The following MTMR9 variants were observed in gnomAD, a reference collection of about 807,000 sequenced individuals.
MTMR9 encodes the protein myotubularin related protein 9.
MTMR9 carries 39 observed loss-of-function variants against 69.5 expected under a neutral mutation model. The observed-to-expected ratio is 0.56, with a 90% CI of 0.43 to 0.73. The LOEUF is 0.73. Among genes scored for constraint, MTMR9 ranks in the 30% least tolerant of loss-of-function variants. The pLI is 0.00. For synonymous variants in MTMR9, 354 were observed against 240.8 expected (o/e 1.47, Z -4.35); for missense variants, 900 against 671.2 (o/e 1.34, Z -3.77).
At chr8:11,330,168 C>T (rs1002317865), downstream of MTMR9, among the ~76,000 whole-genome samples, 2 of 151,072 alleles carry the variant, frequency 1.3e-5, no homozygotes, top group African/African-American at 4.9e-5. Context: ...TCAGCCCCCG[C>T]CCGGCCAGCC....
Position 11,306,410 on chromosome 8 carries a change from A to G in MTMR9, c.809+3A>G, listed in dbSNP as rs2117409773. The G allele has an allele frequency of 6.2e-7, 1 of 1,612,998 alleles. No individual in the cohort carries two copies. Among genetic ancestry groups the G allele is most frequent in the Non-Finnish European group, 8.5e-7 (1 of 1,179,076 alleles). On this transcript the variant is annotated splice_donor_region_variant and intron_variant, in intron 5 of 9. Coordinates refer to ENST00000221086, the MANE Select transcript of MTMR9 (RefSeq NM_015458.4). ...CGAATTCATAAGTCCATTGAGAGGT[A>G]AAAGATTCCAAAGATAGTACAGACT... is the stretch of plus-strand genomic sequence containing the variant.
intron 2 of MTMR9, chr8:11,298,914 C>G (rs1799655151): frequency 5.1e-6 from 5 of 976,774 alleles, no homozygotes; most frequent in Admixed American, 1.2e-4. Context: ...GTTATTGCCC[C>G]CATTTGAGAA....
intron 1 of MTMR9, among the ~76,000 whole-genome samples, chr8:11,287,825 A>ACAT (rs1799224435): frequency 8.0e-6 from 1 of 124,570 alleles, no homozygotes; most frequent in East Asian, 2.1e-4. Context: ...ATAATATATA[A>ACAT]TATATAACAT....
chr8:11,332,481 T>C (rs1801274682), downstream of MTMR9, among the ~76,000 whole-genome samples: 1 of 152,028 alleles, frequency 6.6e-6, no homozygotes, highest in Non-Finnish European at 1.5e-5. Flanking sequence ...AAAATGAGAA[T>C]ATCAATAAAA....
chr8:11,293,569 T>C (rs1251062702), intron 1 of MTMR9, among the ~76,000 whole-genome samples: 2 of 152,184 alleles, frequency 1.3e-5, no homozygotes, highest in African/African-American at 2.4e-5. Context: ...ACATGTCCAA[T>C]TTGTCAGTTT....
chr8:11,318,180 A>G (rs1685445589), intron 8 of MTMR9: 1 of 152,242 alleles, frequency 6.6e-6, no homozygotes, highest in African/African-American at 2.4e-5. Flanking sequence ...GGATCAAAAT[A>G]GATTCCCATT....
chr8:11,332,195 A>T, downstream of MTMR9: 1 of 1,523,640 alleles, frequency 6.6e-7, no homozygotes, highest in Non-Finnish European at 8.8e-7. Context: ...ACAAAAAAAA[A>T]ATAAAAGAAA....
Position 11,327,661 on chromosome 8 carries a change from T to C in MTMR9, c.*4873T>C, listed in dbSNP as rs974958456. 1 of 152,674 alleles carries C rather than the reference T, an allele frequency of 6.5e-6. No homozygotes were observed. The highest frequency in any genetic ancestry group is 2.4e-5 in the African/African-American group (1 of 41,464). 9.5% of individuals were successfully genotyped at this position (152,674 alleles called of 1,614,324 possible). A position where few individuals can be genotyped will look rare whatever the true frequency, so the allele number is the denominator to read the frequency against. ...CCGGGTATTTGGATTGTTCTCTTGA[T>C]AATATTTGAATGTGACTCTTGGATT... On this transcript the variant is annotated 3_prime_UTR_variant, in exon 10 of 10. Coordinates refer to ENST00000221086, the MANE Select transcript of MTMR9 (RefSeq NM_015458.4).
rs758337730 is a variant in MTMR9, at chr8:11,316,911, A to G, written c.1334+18A>G. ...AGTGAAAGGTGAGTACACTGCTCAC[A>G]TGGGGACCTTTCCTTTTCCGTTGTT... On this transcript the variant is annotated intron_variant, in intron 8 of 9. Coordinates refer to ENST00000221086, the MANE Select transcript of MTMR9 (RefSeq NM_015458.4). 6.7e-6 allele frequency: 10 copies of G among 1,499,610 alleles called. No homozygotes were observed. The highest frequency in any genetic ancestry group is 1.4e-5 in the African/African-American group (1 of 71,450). 92.9% of individuals were successfully genotyped at this position (1,499,610 alleles called of 1,614,324 possible).
chr8:11,292,691 T>C (rs544445328), intron 1 of MTMR9, among the ~76,000 whole-genome samples: 14 of 152,332 alleles, frequency 9.2e-5, no homozygotes, highest in African/African-American at 3.4e-4. Flanking sequence ...ATGGATTATT[T>C]GCTTTCTTAC....
intron 2 of MTMR9, among the ~76,000 whole-genome samples, chr8:11,298,210 A>G (rs181010623): frequency 2.9e-3 from 443 of 152,240 alleles, no homozygotes; most frequent in African/African-American, 0.01. Flanking sequence ...GTGACATAAG[A>G]TCTCAAGATG....
rs1184090204 is a variant in MTMR9 at position 11,325,332 on chromosome 8, A to T, written c.*2544A>T. ...CGTGCTTACCTGGATGAGAAGAATA[A>T]ATGACACGGATACACTCCTGAGAAG... On this transcript the variant is annotated 3_prime_UTR_variant, in exon 10 of 10. Transcript: ENST00000221086. 2.0e-5 allele frequency: 3 copies of T among 152,202 alleles called. No individual in the cohort carries two copies. Among genetic ancestry groups the T allele is most frequent in the African/African-American group, 7.2e-5 (3 of 41,454 alleles). The allele number at this position is 152,202 out of a possible 1,614,324, so 9.4% of individuals were successfully genotyped here.
rs1419070764 is a variant in MTMR9 at position 11,325,688 on chromosome 8, T to G, written c.*2900T>G. On this transcript the variant is annotated 3_prime_UTR_variant, in exon 10 of 10. Coordinates refer to ENST00000221086, the MANE Select transcript of MTMR9 (RefSeq NM_015458.4). ...TTTTTTTTAATCAGAAGAACATTGT[T>G]GTTTGATTATATGTTTTTAAAAACC... The G allele has an allele frequency of 6.6e-6, 1 of 152,032 alleles. No individual in the cohort carries two copies. The highest frequency in any genetic ancestry group is 1.5e-5 in the Non-Finnish European group (1 of 68,014). 9.4% of individuals were successfully genotyped at this position (152,032 alleles called of 1,614,324 possible). A position where few individuals can be genotyped will look rare whatever the true frequency, so the allele number is the denominator to read the frequency against.
chr8:11,286,407 G>C (rs540978872), intron 1 of MTMR9, among the ~76,000 whole-genome samples: 47 of 151,342 alleles, frequency 3.1e-4, no homozygotes, highest in Admixed American at 3.9e-4. Context: ...GCTCACGCCT[G>C]TAATCCCAGC....
At chr8:11,304,592 G>C (rs1020346638) in intron 3 of MTMR9, among the ~76,000 whole-genome samples, 10 of 152,202 alleles carry the variant, frequency 6.6e-5, no homozygotes, top group African/African-American at 2.2e-4. Flanking sequence ...AGAGCAACAA[G>C]TTTTGCTCAG....
Position 11,309,648 on chromosome 8 carries a change from A to G in MTMR9, c.931A>G (p.Ile311Val). The part of the protein sequence containing the change: ...ASNWLTHIKE[I>V]LTTACLAAQC... Reference sequence around the variant, plus strand: ...TAACTGGCTGACTCACATCAAAGAGATTCTGACAACTGCCTGCCTAGCGGC... The same window carrying G: ...TAACTGGCTGACTCACATCAAAGAGGTTCTGACAACTGCCTGCCTAGCGGC... The change falls in exon 6 of 10, where the codon ATT becomes GTT. Residue 311 changes from isoleucine (I) to valine (V), a missense_variant. Ile to Val is a conservative substitution (Grantham distance 29). Coordinates refer to ENST00000221086, the MANE Select transcript of MTMR9 (RefSeq NM_015458.4). 1 of 1,613,958 alleles carries G rather than the reference A, an allele frequency of 6.2e-7. No individual in the cohort carries two copies. Among genetic ancestry groups the G allele is most frequent in the Non-Finnish European group, 8.5e-7 (1 of 1,179,870 alleles).
At chr8:11,335,400 G>A in the MTMR9 span, among the ~76,000 whole-genome samples, 2 of 151,870 alleles carry the variant, frequency 1.3e-5, no homozygotes, top group East Asian at 3.8e-4. Flanking sequence ...ACGAAGTTCT[G>A]ATGAAGGAAA....
intron 5 of MTMR9, among the ~76,000 whole-genome samples, chr8:11,307,570 G>T (rs1340946682): frequency 6.6e-6 from 1 of 152,114 alleles, no homozygotes; most frequent in Non-Finnish European, 1.5e-5. Flanking sequence ...CCCAGAAGTG[G>T]GATTACTGGA....
At chr8:11,306,118 G>T in intron 4 of MTMR9, 72 bp from the exon 5 acceptor site, 4 of 1,302,172 alleles carry the variant, frequency 3.1e-6, no homozygotes, top group Non-Finnish European at 4.4e-6. Context: ...TCTTAATCTA[G>T]CTAATTTCTT....
Sources: gnomAD v4.1 joint callset for allele counts (sites outside exome capture counted in the v4.1 genomes callset) on GRCh38, gnomAD v4.1.1 for gene constraint, MANE v1.5 for transcripts, NCBI Gene and HGNC (gene_info 2026-07-23, HGNC 2026-07-21) for gene names.